Variants in SPAST observed in about 807,000 individuals in gnomAD.
The protein encoded by SPAST is spastin.
A neutral mutation model predicts 76.6 loss-of-function variants in SPAST; 30 were observed. The ratio of observed to expected loss-of-function variants is 0.39; its 90% CI spans 0.29 to 0.53. The LOEUF (loss-of-function observed/expected upper bound fraction) is 0.53. Among genes scored for constraint, SPAST ranks in the 20% least tolerant of loss-of-function variants. The pLI, the probability that SPAST is intolerant of heterozygous loss-of-function variation, is 0.68. For missense variants in SPAST, 717 were observed against 770.5 expected, an observed-to-expected ratio of 0.93 and a Z score of 0.82; for synonymous variants, 305 against 281.0, an observed-to-expected ratio of 1.09 and a Z score of -0.86.
intron 4 of SPAST, among the ~76,000 whole-genome samples, chr2:32,112,907 C>T (rs574415441): frequency 1.3e-5 from 2 of 151,974 alleles, no homozygotes; most frequent in Admixed American, 6.6e-5. Context: ...TGTAAATAAA[C>T]ACTGATGTTT....
intron 4 of SPAST, among the ~76,000 whole-genome samples, chr2:32,110,780 C>CATAGTATAG (rs1678551820): frequency 7.6e-6 from 1 of 131,018 alleles, no homozygotes; most frequent in African/African-American, 3.1e-5. Flanking sequence ...ACATAGTATA[C>CATAGTATAG]TATATATAGT....
At chr2:32,082,234 C>T (rs2148704223) in intron 1 of SPAST, among the ~76,000 whole-genome samples, 1 of 150,420 alleles carries the variant, frequency 6.6e-6, no homozygotes, top group Non-Finnish European at 1.5e-5. Context: ...CCCAGGTGAT[C>T]CGCCTGCCTC....
chr2:32,089,847 TC>T (rs1677641206), intron 3 of SPAST, among the ~76,000 whole-genome samples: 1 of 151,950 alleles, frequency 6.6e-6, no homozygotes, highest in African/African-American at 2.4e-5. Flanking sequence ...CACTGCAAGC[TC>T]TACCTCCCAG....
intron 1 of SPAST, among the ~76,000 whole-genome samples, chr2:32,083,759 TATATA>T: frequency 1.1e-5 from 1 of 91,166 alleles, no homozygotes. Flanking sequence ...ACTATATATA[TATATA>T]TATATATATA....
chr2:32,085,965 C>T (rs1387767972), intron 1 of SPAST, among the ~76,000 whole-genome samples: 1 of 151,588 alleles, frequency 6.6e-6, no homozygotes, highest in Non-Finnish European at 1.5e-5. Flanking sequence ...TCGCTTGAAC[C>T]AGGGAGTCGG....
At chr2:32,143,613 C>A (rs1477335764) in intron 14 of SPAST, among the ~76,000 whole-genome samples, 198 bp downstream of exon 14, 2 of 152,244 alleles carry the variant, frequency 1.3e-5, no homozygotes, top group Admixed American at 1.3e-4. Context: ...ATTTCACTGG[C>A]TATGTCCTTT....
At chr2:32,089,485 G>T in intron 2 of SPAST, 37 bp from the exon 3 acceptor site, 1 of 1,123,500 alleles carries the variant, frequency 8.9e-7, no homozygotes, top group Middle Eastern at 2.0e-4. Flanking sequence ...ATATTAGTTG[G>T]GAAATGTAGA....
intron 1 of SPAST, among the ~76,000 whole-genome samples, chr2:32,068,179 T>C (rs891881841): frequency 4.4e-4 from 67 of 151,836 alleles, no homozygotes; most frequent in African/African-American, 1.5e-3. Flanking sequence ...GGGGTTTCAC[T>C]GTGTTAGCCA....
chr2:32,089,192 T>A (rs1677610902), intron 2 of SPAST, among the ~76,000 whole-genome samples: 1 of 146,492 alleles, frequency 6.8e-6, no homozygotes, highest in African/African-American at 2.6e-5. Context: ...CCTCCCATGC[T>A]CGGCTAATTT....
chr2:32,073,826 C>T (rs1048515438), intron 1 of SPAST, among the ~76,000 whole-genome samples: 3 of 152,144 alleles, frequency 2.0e-5, no homozygotes, highest in Admixed American at 1.3e-4. Flanking sequence ...ATGTCAAAAT[C>T]TGTGATTTTC....
chr2:32,102,584 C>T, intron 4 of SPAST, among the ~76,000 whole-genome samples: 1 of 152,200 alleles, frequency 6.6e-6, no homozygotes, highest in Non-Finnish European at 1.5e-5. Context: ...TTTGCCCATT[C>T]AGTATGATAT....
chr2:32,109,762 A>G (rs963790665), intron 4 of SPAST, among the ~76,000 whole-genome samples: 4 of 149,034 alleles, frequency 2.7e-5, no homozygotes, highest in African/African-American at 9.8e-5. Context: ...CTATCTGTAT[A>G]TAGTTATATA....
intron 16 of SPAST, among the ~76,000 whole-genome samples, chr2:32,151,005 T>G (rs1411479712): frequency 1.3e-5 from 2 of 149,708 alleles, no homozygotes; most frequent in Non-Finnish European, 3.0e-5. Context: ...AGTGCAATGG[T>G]GCAATCTCGG....
intron 3 of SPAST, among the ~76,000 whole-genome samples, chr2:32,090,545 C>A (rs1392366272): frequency 1.3e-5 from 2 of 152,062 alleles, no homozygotes; most frequent in African/African-American, 4.8e-5. Context: ...AAAAAACTGA[C>A]CCCCCCAAAA....
At chr2:32,151,183 TC>T (rs890676825) in intron 16 of SPAST, among the ~76,000 whole-genome samples, 8 of 152,148 alleles carry the variant, frequency 5.3e-5, no homozygotes, top group African/African-American at 1.9e-4. Flanking sequence ...CCTCAGGAGA[TC>T]CGCCCACCTC....
intron 9 of SPAST, among the ~76,000 whole-genome samples, chr2:32,134,030 CTATT>C (rs1180556514): frequency 6.6e-6 from 1 of 152,028 alleles, no homozygotes; most frequent in African/African-American, 2.4e-5. Flanking sequence ...AGTCGTTACT[CTATT>C]TATTTATTGA....
chr2:32,128,317 A>G (rs1348893731), intron 8 of SPAST, 91 bp from the exon 9 acceptor site: 1 of 974,658 alleles, frequency 1.0e-6, no homozygotes, highest in Admixed American at 1.9e-5. Flanking sequence ...TTTTTAGAGA[A>G]TCTTTTCTAG....
intron 7 of SPAST, among the ~76,000 whole-genome samples, chr2:32,124,334 T>C (rs1679122214): frequency 6.6e-6 from 1 of 152,172 alleles, no homozygotes; most frequent in East Asian, 1.9e-4. Context: ...CTGCCATCCC[T>C]ATTAGAATGG....
intron 1 of SPAST, among the ~76,000 whole-genome samples, chr2:32,071,984 G>A (rs1676768866): frequency 6.6e-6 from 1 of 152,138 alleles, no homozygotes; most frequent in South Asian, 2.1e-4. Context: ...GCTTTGCAGG[G>A]CCATTTCAGA....
Sources: allele counts gnomAD v4.1 joint callset (sites outside exome capture counted in the v4.1 genomes callset), GRCh38; gene constraint gnomAD v4.1.1; transcripts MANE v1.5; gene names NCBI Gene and HGNC (gene_info 2026-07-23, HGNC 2026-07-21).